ENG: variants seen among roughly 807,000 people sequenced by gnomAD.
ENG encodes the protein CD105 antigen.
Under a neutral mutation model 71.0 loss-of-function variants are expected in ENG, and 17 were observed. The observed-to-expected ratio is 0.24, with a 90% CI of 0.16 to 0.36. ENG has a LOEUF of 0.36. Ranked by LOEUF, ENG falls within the 10% of genes least tolerant of loss-of-function variation. The pLI, the probability that ENG is intolerant of heterozygous loss-of-function variation, is 1.00. For missense variants in ENG, 749 were observed against 868.3 expected, an observed-to-expected ratio of 0.86 and a Z score of 1.73; for synonymous variants, 360 against 366.9, an observed-to-expected ratio of 0.98 and a Z score of 0.21.
chr9:127,821,265 T>C (rs1022595329), intron 8 of ENG: 1 of 151,522 alleles, frequency 6.6e-6, no homozygotes, highest in Non-Finnish European at 1.5e-5. Flanking sequence ...AACCCGACTC[T>C]ACTAAAATTA....
intron 8 of ENG, 32 bp downstream of exon 8, chr9:127,824,272 A>T (rs1174690989): frequency 6.2e-7 from 1 of 1,613,992 alleles, no homozygotes; most frequent in Non-Finnish European, 8.5e-7. Flanking sequence ...TGTCCATGTC[A>T]TCCTGAGCCA....
intron 8 of ENG, chr9:127,822,496 A>G (rs1021823474): frequency 1.3e-5 from 2 of 152,264 alleles, no homozygotes; most frequent in African/African-American, 4.8e-5. Context: ...ATAATCCTAT[A>G]TAAAGAAATG....
intron 13 of ENG, chr9:127,816,818 C>A: frequency 2.3e-6 from 1 of 442,090 alleles, no homozygotes. Context: ...CCTCAAAGGG[C>A]CTCTGTCTCA....
rs1564460384 is a variant in ENG, at chr9:127,836,409, C to T, written c.220-6582G>A. Among the ~76,000 whole-genome samples the T allele has an allele frequency of 6.6e-6, 1 of 152,256 alleles. No individual in the cohort carries two copies. The highest frequency in any genetic ancestry group is 1.5e-5 in the Non-Finnish European group (1 of 68,050). On this transcript the variant is annotated intron_variant, in intron 2 of 14. Coordinates refer to ENST00000373203, the MANE Select transcript of ENG (RefSeq NM_001114753.3). The surrounding 1 kb of genome is among the most constrained non-coding windows in gnomAD (Gnocchi z 4.0). ...GGAAGGGGGGATTTCGGTGAGGAGG[C>T]CCTGAGTGCTAGTAGCCACTTATAG...
chr9:127,828,766 T>C (rs922340312), intron 3 of ENG, among the ~76,000 whole-genome samples: 1 of 152,120 alleles, frequency 6.6e-6, no homozygotes, highest in African/African-American at 2.4e-5. Flanking sequence ...CTGTCACCAG[T>C]CCGGAAGCTT....
chr9:127,849,751 C>T (rs1203669961), intron 1 of ENG, among the ~76,000 whole-genome samples: 2 of 152,214 alleles, frequency 1.3e-5, no homozygotes, highest in Admixed American at 1.3e-4. Context: ...CCCATCCTCT[C>T]CACTGTGGCA....
At chr9:127,845,827 C>T (rs1831157492) in intron 1 of ENG, among the ~76,000 whole-genome samples, 1 of 152,234 alleles carries the variant, frequency 6.6e-6, no homozygotes, top group African/African-American at 2.4e-5. Flanking sequence ...CTGCCTCAGC[C>T]TCCCAAGTAG....
At chr9:127,825,469 A>C (rs1427844237) in intron 5 of ENG, 112 bp from the exon 6 acceptor site, 1 of 1,464,268 alleles carries the variant, frequency 6.8e-7, no homozygotes, top group Non-Finnish European at 9.2e-7. Flanking sequence ...GTGTGGGTTT[A>C]TGGGATAGGG....
At chr9:127,824,752 G>A in intron 7 of ENG, 48 bp downstream of exon 7, 1 of 1,480,922 alleles carries the variant, frequency 6.8e-7, no homozygotes, top group Non-Finnish European at 9.0e-7. Context: ...TGTGGCCACT[G>A]ATCCAAGGGA....
intron 4 of ENG, 138 bp downstream of exon 4, chr9:127,826,372 T>G (rs1830614645): frequency 3.6e-6 from 4 of 1,116,324 alleles, no homozygotes; most frequent in Non-Finnish European, 5.1e-6. Flanking sequence ...AAGGCAGCAC[T>G]GGCTTGTGGC....
intron 1 of ENG, among the ~76,000 whole-genome samples, chr9:127,845,626 A>T (rs1332238460): frequency 6.6e-6 from 1 of 152,204 alleles, no homozygotes; most frequent in African/African-American, 2.4e-5. Flanking sequence ...GGTCTATAAA[A>T]TGACAACAGA....
At chr9:127,823,188 C>G (rs1391278500) in intron 8 of ENG, among the ~76,000 whole-genome samples, 1 of 151,876 alleles carries the variant, frequency 6.6e-6, no homozygotes, top group East Asian at 1.9e-4. Flanking sequence ...CTCTGTTGCC[C>G]AGGCTGGAGT....
intron 1 of ENG, 49 bp from the exon 2 acceptor site, chr9:127,843,294 C>T: frequency 6.2e-7 from 1 of 1,613,094 alleles, no homozygotes; most frequent in South Asian, 1.1e-5. Flanking sequence ...AAGGTGATGA[C>T]AATGACTCCT....
At position 127,836,424 on chromosome 9, in the gene ENG, G is replaced by T. The variant is rs1462822482; in HGVS notation, c.220-6597C>A. Among the ~76,000 whole-genome samples the T allele has an allele frequency of 1.3e-5, 2 of 152,252 alleles. No individual in the cohort carries two copies. Among genetic ancestry groups the T allele is most frequent in the African/African-American group, 4.8e-5 (2 of 41,474 alleles). On this transcript the variant is annotated intron_variant, in intron 2 of 14. Transcript: ENST00000373203. The surrounding 1 kb of genome is among the most constrained non-coding windows in gnomAD (Gnocchi z 4.0). Reference sequence around the variant, plus strand: ...GGTGAGGAGGCCCTGAGTGCTAGTAGCCACTTATAGAAAGTCGCTTCCAGC... The same window carrying T: ...GGTGAGGAGGCCCTGAGTGCTAGTATCCACTTATAGAAAGTCGCTTCCAGC...
At chr9:127,831,867 A>C (rs893742028) in intron 2 of ENG, among the ~76,000 whole-genome samples, 10 of 149,432 alleles carry the variant, frequency 6.7e-5, no homozygotes, top group Admixed American at 4.7e-4. Context: ...AATTTTTTAT[A>C]TTTTTAATAG....
intron 2 of ENG, among the ~76,000 whole-genome samples, chr9:127,839,814 G>T (rs900342455): frequency 6.6e-6 from 1 of 152,086 alleles, no homozygotes; most frequent in South Asian, 2.1e-4. Context: ...CCTCAGCCTC[G>T]CAAAGTGCTG....
Position 127,836,161 on chromosome 9 carries a change from G to T in ENG, c.220-6334C>A, listed in dbSNP as rs1033265237. 7.9e-5 allele frequency among the ~76,000 whole-genome samples: 12 copies of T among 152,194 alleles called. No individual in the cohort carries two copies. Among genetic ancestry groups the T allele is most frequent in the African/African-American group, 2.9e-4 (12 of 41,440 alleles). Reference sequence around the variant, plus strand: ...CTTCCCCCTTCTCTCCCGGCCGGGGGCCCCAGAGGCAAAAAACGATGGCGC... The same window carrying T: ...CTTCCCCCTTCTCTCCCGGCCGGGGTCCCCAGAGGCAAAAAACGATGGCGC... On this transcript the variant is annotated intron_variant, in intron 2 of 14. Transcript: ENST00000373203. The surrounding 1 kb of genome is among the most constrained non-coding windows in gnomAD (Gnocchi z 4.0).
intron 11 of ENG, 34 bp downstream of exon 11, chr9:127,818,682 G>A (rs1167342588): frequency 1.2e-6 from 2 of 1,602,332 alleles, no homozygotes; most frequent in African/African-American, 2.7e-5. Context: ...TCCAGGAGCT[G>A]GGAGGCCCGA....
chr9:127,834,710 T>G (rs192820745), intron 2 of ENG, among the ~76,000 whole-genome samples: 14 of 151,580 alleles, frequency 9.2e-5, no homozygotes, highest in Admixed American at 8.5e-4. Flanking sequence ...GCCTAATTTT[T>G]GTATTTTTAG....
Sources: allele counts gnomAD v4.1 joint callset (sites outside exome capture counted in the v4.1 genomes callset), GRCh38; gene constraint gnomAD v4.1.1; non-coding constraint Gnocchi (gnomAD v3.1); transcripts MANE v1.5; gene names NCBI Gene and HGNC (gene_info 2026-07-23, HGNC 2026-07-21).